ZBBX: variants seen among roughly 807,000 people sequenced by gnomAD.
ZBBX encodes the protein zinc finger B-box domain-containing protein 1.
A neutral mutation model predicts 108.5 loss-of-function variants in ZBBX; 101 were observed. That is an observed-to-expected ratio of 0.93 (90% CI 0.79 to 1.10). The LOEUF (loss-of-function observed/expected upper bound fraction) is 1.10, where lower values mean the gene tolerates loss of function less well. ZBBX is among the 50% of genes least tolerant of loss of function. The pLI is 0.00. For missense variants in ZBBX, 1,009 were observed against 941.4 expected (o/e 1.07, Z -0.94); for synonymous variants, 356 against 323.4 (o/e 1.10, Z -1.08).
chr3:167,314,825 A>G (rs898837561), intron 15 of ZBBX, among the ~76,000 whole-genome samples: 1 of 152,182 alleles, frequency 6.6e-6, no homozygotes, highest in Admixed American at 6.6e-5. Flanking sequence ...AACACCTTAC[A>G]TAGGAGTCAA....
downstream of ZBBX, among the ~76,000 whole-genome samples, chr3:167,236,729 C>T (rs759696385): frequency 3.3e-5 from 5 of 151,642 alleles, no homozygotes; most frequent in African/African-American, 9.7e-5. Context: ...CCATTCTGAG[C>T]GAGGCATCTG....
chr3:167,275,968 A>G (rs1404786465), intron 20 of ZBBX, among the ~76,000 whole-genome samples: 1 of 152,020 alleles, frequency 6.6e-6, no homozygotes, highest in Non-Finnish European at 1.5e-5. Flanking sequence ...TGGGTCCCTG[A>G]CCCCTGACCC....
At chr3:167,187,069 A>C in the ZBBX span, among the ~76,000 whole-genome samples, 1 of 152,140 alleles carries the variant, frequency 6.6e-6, no homozygotes. Flanking sequence ...TTGCAGAGTA[A>C]AAAATTCTAA....
At chr3:167,319,239 C>G (rs1365300087) in intron 12 of ZBBX, among the ~76,000 whole-genome samples, 1 of 151,970 alleles carries the variant, frequency 6.6e-6, no homozygotes, top group Non-Finnish European at 1.5e-5. Flanking sequence ...ATGGATGAAT[C>G]TTAAATGCAT....
At chr3:167,245,750 T>C (rs1721460501) in intron 20 of ZBBX, among the ~76,000 whole-genome samples, 1 of 152,138 alleles carries the variant, frequency 6.6e-6, no homozygotes, top group Non-Finnish European at 1.5e-5. Context: ...TCTGCCATGA[T>C]TATAAGTTTC....
intron 20 of ZBBX, among the ~76,000 whole-genome samples, chr3:167,280,248 G>A (rs1412243517): frequency 1.3e-5 from 2 of 151,378 alleles, no homozygotes; most frequent in African/African-American, 4.9e-5. Context: ...ATTGACAAAC[G>A]GGATCTAATT....
the ZBBX span, among the ~76,000 whole-genome samples, chr3:167,179,950 G>A: frequency 1.3e-5 from 2 of 152,130 alleles, no homozygotes; most frequent in Admixed American, 6.5e-5. Context: ...TTTTGCCTTC[G>A]TGAGGACAAT....
intron 6 of ZBBX, 37 bp from the exon 7 acceptor site, chr3:167,360,760 T>C (rs1471882825): frequency 2.3e-6 from 3 of 1,288,538 alleles, no homozygotes; most frequent in Non-Finnish European, 2.1e-6. Context: ...GTCAGGTATA[T>C]ATTATCTTAT....
intron 1 of ZBBX, among the ~76,000 whole-genome samples, chr3:167,386,136 A>G (rs1747915575): frequency 6.6e-6 from 1 of 152,202 alleles, no homozygotes; most frequent in African/African-American, 2.4e-5. Flanking sequence ...GAAGAAAGAA[A>G]GAAAGGATAA....
chr3:167,263,909 T>C (rs4279099), intron 20 of ZBBX, among the ~76,000 whole-genome samples: 123,585 of 152,204 alleles, frequency 0.81, 50,472 homozygotes, highest in East Asian at 0.91. Flanking sequence ...AGTGTTGGTA[T>C]GTATATATTT....
rs138732401 is a variant in ZBBX at position 167,401,804 on chromosome 3, G to A, written c.-446+5922C>T. On this transcript the variant is annotated intron_variant, in intron 1 of 21. Coordinates refer to the ZBBX transcript ENST00000455345. Reference sequence around the variant, plus strand: ...GTCTGGGAATGCAGCCCCATGGGTCGCAGCCTCATTTTACCCAGCTCCTGT... The same window carrying A: ...GTCTGGGAATGCAGCCCCATGGGTCACAGCCTCATTTTACCCAGCTCCTGT... Among the ~76,000 whole-genome samples the A allele has an allele frequency of 6.5e-4, 99 of 152,280 alleles. No homozygotes were observed. In the East Asian group the frequency reaches 0.017, roughly 27 times the overall value.
intron 9 of ZBBX, among the ~76,000 whole-genome samples, chr3:167,347,434 C>A (rs1378785869): frequency 1.3e-5 from 2 of 151,836 alleles, no homozygotes; most frequent in Non-Finnish European, 2.9e-5. Flanking sequence ...ACTATGACAG[C>A]ATAGATAAAC....
intron 9 of ZBBX, among the ~76,000 whole-genome samples, chr3:167,345,289 G>A (rs891317574): frequency 1.3e-5 from 2 of 151,822 alleles, no homozygotes; most frequent in South Asian, 2.1e-4. Flanking sequence ...TATGATAGTC[G>A]ATAGCAACAT....
Position 167,242,540 on chromosome 3 carries a change from T to C in ZBBX, c.2358A>G (p.Ser786=), listed in dbSNP as rs377025827. 8.7e-6 allele frequency: 14 copies of C among 1,613,054 alleles called. No individual in the cohort carries two copies. The highest frequency in any genetic ancestry group is 7.7e-5 in the South Asian group (7 of 90,940). ...SQISTDFLKT[S]HVRGPCGVEE... is the part of the protein sequence containing the mutation. ...CAACTCCACAGGGACCCCTCACATG[T>C]GAGGTCTTAAGGAAATCTGTGGAAA... Residue 786 remains serine, a synonymous_variant, in exon 21 of 22, where the codon TCA becomes TCG. Transcript: ENST00000675490.
Position 167,356,282 on chromosome 3 carries a change from A to T in ZBBX, c.432+3588T>A, listed in dbSNP as rs1232072187. Among the ~76,000 whole-genome samples the T allele has an allele frequency of 2.0e-5, 3 of 152,080 alleles. No individual in the cohort carries two copies. The South Asian group carries it at 6.2e-4, about 31-fold the overall frequency. ...TTAAGATTCCTTAAATTACTGCCAA[A>T]CATCATATCAAATAAGAAAATAATA... On this transcript the variant is annotated intron_variant, in intron 8 of 21. Coordinates refer to ENST00000675490, the MANE Select transcript of ZBBX (RefSeq NM_001199201.2).
At chr3:167,311,394 G>A (rs1734567300) in intron 16 of ZBBX, among the ~76,000 whole-genome samples, 1 of 151,974 alleles carries the variant, frequency 6.6e-6, no homozygotes, top group Admixed American at 6.5e-5. Context: ...CACTGGCTAT[G>A]ACAATAACTT....
At chr3:167,201,347 T>G in the ZBBX span, among the ~76,000 whole-genome samples, 1 of 152,082 alleles carries the variant, frequency 6.6e-6, no homozygotes, top group Non-Finnish European at 1.5e-5. Context: ...TCTGAAAATT[T>G]TATAGCCAAG....
At chr3:167,212,646 C>G in the ZBBX span, among the ~76,000 whole-genome samples, 1 of 152,244 alleles carries the variant, frequency 6.6e-6, no homozygotes, top group Admixed American at 6.5e-5. Context: ...TGGCTACAAC[C>G]ACTACTAAGA....
At chr3:167,396,756 G>A (rs1577146835) in intron 1 of ZBBX, among the ~76,000 whole-genome samples, 1 of 151,876 alleles carries the variant, frequency 6.6e-6, no homozygotes, top group East Asian at 1.9e-4. Flanking sequence ...AGTTACTTTA[G>A]AAATTTTTCT....
Sources: gnomAD v4.1 joint callset for allele counts (sites outside exome capture counted in the v4.1 genomes callset) on GRCh38, gnomAD v4.1.1 for gene constraint, MANE v1.5 for transcripts, NCBI Gene and HGNC (gene_info 2026-07-23, HGNC 2026-07-21) for gene names.